EFHC2: variants seen among roughly 807,000 people sequenced by gnomAD.
EFHC2 encodes the protein EF-hand domain-containing family member C2.
Under a neutral mutation model 52.7 loss-of-function variants are expected in EFHC2, and 18 were observed. The observed-to-expected ratio is 0.34, with a 90% CI of 0.24 to 0.51. EFHC2 has a LOEUF of 0.51. EFHC2 is among the 20% of genes least tolerant of loss of function. The pLI is 0.97. For missense variants in EFHC2, 513 were observed against 562.5 expected (o/e 0.91, Z 0.89); for synonymous variants, 203 against 204.1 (o/e 0.99, Z 0.04).
intron 11 of EFHC2, among the ~76,000 whole-genome samples, chrX:44,228,205 A>C (rs893695428): frequency 2.7e-5 from 3 of 111,523 alleles, no homozygotes; most frequent in African/African-American, 6.5e-5. Flanking sequence ...CTCCAATCAC[A>C]GCGTAGTGGC....
At chrX:44,288,004 CCTG>C (rs1409840703) in intron 2 of EFHC2, among the ~76,000 whole-genome samples, 3 of 111,947 alleles carry the variant, frequency 2.7e-5, no homozygotes, top group Non-Finnish European at 3.8e-5. Flanking sequence ...AAAATTCATA[CCTG>C]CTTATTAAAA....
At chrX:44,304,289 C>T (rs2037888539) in intron 2 of EFHC2, among the ~76,000 whole-genome samples, 1 of 111,605 alleles carries the variant, frequency 9.0e-6, no homozygotes, top group South Asian at 3.7e-4. Context: ...ACGTAAATTG[C>T]CAGAGGTAAA....
chrX:44,306,803 C>T (rs964607297), intron 2 of EFHC2, among the ~76,000 whole-genome samples: 4 of 111,636 alleles, frequency 3.6e-5, no homozygotes, highest in Non-Finnish European at 7.5e-5. Flanking sequence ...GATTTTAGTG[C>T]ATGTGATTTA....
At chrX:44,300,137 G>A (rs766039918) in intron 2 of EFHC2, among the ~76,000 whole-genome samples, 148 of 110,464 alleles carry the variant, frequency 1.3e-3, no homozygotes, top group African/African-American at 4.7e-3. Flanking sequence ...CGGGGGGGAA[G>A]AATACATAAA....
chrX:44,269,263 C>G (rs1321687560), intron 3 of EFHC2, among the ~76,000 whole-genome samples: 1 of 110,961 alleles, frequency 9.0e-6, no homozygotes, highest in East Asian at 2.8e-4. Flanking sequence ...GTCTAACACC[C>G]CTTCAAAGGC....
intron 2 of EFHC2, among the ~76,000 whole-genome samples, chrX:44,294,803 AG>A (rs2037816371): frequency 8.9e-6 from 1 of 111,907 alleles, no homozygotes; most frequent in Admixed American, 9.5e-5. Flanking sequence ...AAAAGCTAAA[AG>A]CCATTAGGAA....
At chrX:44,328,381 CT>C (rs1157030802) in intron 1 of EFHC2, among the ~76,000 whole-genome samples, 1 of 111,725 alleles carries the variant, frequency 9.0e-6, no homozygotes, top group Non-Finnish European at 1.9e-5. Flanking sequence ...TGCAGAAATG[CT>C]GGCTGAGACA....
rs1051665455 is a variant in EFHC2 at position 44,187,134 on chromosome X, G to GGT, written c.1752-8572_1752-8571dup. Among the ~76,000 whole-genome samples, 14 of 43,389 alleles carry GGT rather than the reference G, an allele frequency of 3.2e-4. 1 individual carries two copies. The highest frequency in any genetic ancestry group is 2.1e-3 in the African/African-American group (14 of 6,698). 37.7% of individuals were successfully genotyped at this position (43,389 alleles called of 115,157 possible). On this transcript the variant is annotated intron_variant, in intron 11 of 14. Coordinates refer to ENST00000420999, the MANE Select transcript of EFHC2 (RefSeq NM_025184.4). ...ACCATGTCTCAAAGGAAAACAAAAT[G>GGT]GTATATATATATATATATGGGCTTT...
At chrX:44,280,792 T>G (rs2037696169) in intron 2 of EFHC2, among the ~76,000 whole-genome samples, 2 of 112,560 alleles carry the variant, frequency 1.8e-5, no homozygotes, top group South Asian at 3.6e-4. Flanking sequence ...GATAAAACTC[T>G]AAAAATATTT....
At position 44,166,797 on chromosome X, in the gene EFHC2, T is replaced by C. The variant is rs2036699612; in HGVS notation, c.2043-2770A>G. Among the ~76,000 whole-genome samples, 5 of 111,239 alleles carry C rather than the reference T, an allele frequency of 4.5e-5. No individual in the cohort carries two copies. In the Admixed American group the frequency reaches 4.8e-4, roughly 11 times the overall value. ...ATCAGACTTCACTCCTCATATACAA[T>C]CCACTAAGCAGTCCTGTGGGTTCTA... On this transcript the variant is annotated intron_variant, in intron 13 of 14. Coordinates refer to ENST00000420999, the MANE Select transcript of EFHC2 (RefSeq NM_025184.4).
At chrX:44,311,582 G>A (rs769161198) in intron 2 of EFHC2, among the ~76,000 whole-genome samples, 1 of 112,098 alleles carries the variant, frequency 8.9e-6, no homozygotes, top group South Asian at 3.7e-4. Flanking sequence ...ATAGCTGGTC[G>A]CCTTTTCTTT....
Position 44,304,046 on chromosome X carries a change from T to C in EFHC2, c.231+8522A>G, listed in dbSNP as rs2037886762. Among the ~76,000 whole-genome samples, 3 of 112,363 alleles carry C rather than the reference T, an allele frequency of 2.7e-5. No homozygotes were observed. In the South Asian group the frequency reaches 1.1e-3, roughly 41 times the overall value. On this transcript the variant is annotated intron_variant, in intron 2 of 14. Transcript: ENST00000420999. The stretch of plus-strand genomic sequence containing the variant: ...GCTTAACTTCCAGACGAAAGTCATA[T>C]AAAAACATTCAGTCATTTGTATATT...
chrX:44,222,225 G>A (rs187521075), intron 11 of EFHC2, among the ~76,000 whole-genome samples: 1 of 111,135 alleles, frequency 9.0e-6, no homozygotes, highest in Admixed American at 9.6e-5. Flanking sequence ...AGATAAATAG[G>A]AGAAAGTGCC....
chrX:44,156,537 A>G (rs1323380041), intron 14 of EFHC2, among the ~76,000 whole-genome samples: 2 of 111,682 alleles, frequency 1.8e-5, no homozygotes, highest in Non-Finnish European at 1.9e-5. Flanking sequence ...CGGGTGTCCA[A>G]AGATGTTTCC....
chrX:44,251,706 G>C (rs762181659), intron 4 of EFHC2, among the ~76,000 whole-genome samples: 1 of 67,000 alleles, frequency 1.5e-5, no homozygotes, highest in African/African-American at 5.6e-5. Context: ...TTTTCAAAAA[G>C]ATTTAAAATT....
intron 14 of EFHC2, among the ~76,000 whole-genome samples, chrX:44,155,537 G>A (rs1378651294): frequency 8.9e-6 from 1 of 112,194 alleles, no homozygotes; most frequent in African/African-American, 3.2e-5. Flanking sequence ...AAAAGATCGG[G>A]AGCCAATTAA....
rs1445099071 is a variant in EFHC2, at chrX:44,213,111, C to T, written c.1751+16538G>A. On this transcript the variant is annotated intron_variant, in intron 11 of 14. Transcript: ENST00000420999. Reference sequence around the variant, plus strand: ...AAAAAAAAAAAAAAGTTTGAAAATACAAAGCATCAGAATCAGACTCAGATA... The same window carrying T: ...AAAAAAAAAAAAAAGTTTGAAAATATAAAGCATCAGAATCAGACTCAGATA... Among the ~76,000 whole-genome samples, 8 of 102,349 alleles carry T rather than the reference C, an allele frequency of 7.8e-5. No individual in the cohort carries two copies. The South Asian group carries it at 3.4e-3, about 44-fold the overall frequency. 88.9% of individuals were successfully genotyped at this position (102,349 alleles called of 115,157 possible).
intron 11 of EFHC2, among the ~76,000 whole-genome samples, chrX:44,186,872 A>C (rs549921036): frequency 2.6e-4 from 29 of 109,692 alleles, no homozygotes; most frequent in Non-Finnish European, 4.7e-4. Flanking sequence ...AATTCTAGCA[A>C]CTTGGGAGGC....
At chrX:44,153,956 G>A (rs1179876212) in intron 14 of EFHC2, among the ~76,000 whole-genome samples, 1 of 112,386 alleles carries the variant, frequency 8.9e-6, no homozygotes, top group African/African-American at 3.2e-5. Flanking sequence ...AATTTTAAGT[G>A]GGAATAACTG....
Sources: allele counts gnomAD v4.1 joint callset (sites outside exome capture counted in the v4.1 genomes callset), GRCh38; gene constraint gnomAD v4.1.1; transcripts MANE v1.5; gene names NCBI Gene and HGNC (gene_info 2026-07-23, HGNC 2026-07-21).